The following B4GALNT1 variants were observed in gnomAD, a reference collection of about 807,000 sequenced individuals.
B4GALNT1 encodes beta-1,4 N-acetylgalactosaminyltransferase 1.
Under a neutral mutation model 55.2 loss-of-function variants are expected in B4GALNT1, and 43 were observed. The ratio of observed to expected loss-of-function variants is 0.78; its 90% confidence interval spans 0.61 to 1.00. B4GALNT1 has a LOEUF of 1.00. Ranked by LOEUF, B4GALNT1 falls within the 50% of genes least tolerant of loss-of-function variation. B4GALNT1 has a pLI of 0.00. For synonymous variants in B4GALNT1, 305 were observed against 311.6 expected (o/e 0.98, Z 0.22); for missense variants, 664 against 729.7 (o/e 0.91, Z 1.04).
Position 57,630,290 on chromosome 12 carries a change from C to G in B4GALNT1, c.574G>C (p.Glu192Gln), listed in dbSNP as rs372777958. 6 of 1,614,072 alleles carry G rather than the reference C, an allele frequency of 3.7e-6. No homozygotes were observed. The African/African-American group carries it at 8.0e-5, about 22-fold the overall frequency. ...ASLGTWDVAG[E>Q]VTGVTLTGEG... Reference sequence around the variant, plus strand: ...CCAGTGAGAGTAACTCCAGTCACTTCCCCTGCCACGTCCCAGGTGCCTAGG... The same window carrying G: ...CCAGTGAGAGTAACTCCAGTCACTTGCCCTGCCACGTCCCAGGTGCCTAGG... The change falls in exon 6 of 11, where the codon GAA (glutamate) becomes CAA (glutamine). Residue 192 changes from glutamate (E) to glutamine (Q), a missense_variant. Glu to Gln is a conservative substitution (Grantham distance 29). Coordinates refer to ENST00000341156, the MANE Select transcript of B4GALNT1 (RefSeq NM_001478.5).
chr12:57,630,573 T>C, intron 4 of B4GALNT1, 55 bp from the exon 5 acceptor site: 2 of 1,535,406 alleles, frequency 1.3e-6, no homozygotes, highest in South Asian at 2.5e-5. Flanking sequence ...GAATTCTTTC[T>C]CATTTTCTCT....
intron 9 of B4GALNT1, 39 bp downstream of exon 9, chr12:57,628,083 G>C (rs1355825587): frequency 6.2e-7 from 1 of 1,610,096 alleles, no homozygotes; most frequent in Non-Finnish European, 8.5e-7. Context: ...CCTGTTCAAG[G>C]CCCTTCTCCA....
chr12:57,632,487 A>C, intron 1 of B4GALNT1: 2 of 356,136 alleles, frequency 5.6e-6, no homozygotes, highest in African/African-American at 2.2e-5. Flanking sequence ...GCAGTCCCCA[A>C]GCCCGCCGCC....
chr12:57,630,012 GT>G, intron 6 of B4GALNT1, 139 bp downstream of exon 6: 1 of 1,557,858 alleles, frequency 6.4e-7, no homozygotes, highest in Non-Finnish European at 8.7e-7. Flanking sequence ...TGCTGGTCCA[GT>G]TGAAGCACCC....
Position 57,631,047 on chromosome 12 carries a change from G to T in B4GALNT1, c.423C>A (p.Ala141=). Residue 141 remains alanine, a synonymous_variant, in exon 4 of 11, where the codon GCC becomes GCA. Transcript: ENST00000341156. ...SPADQLLIAP[A]NSPLQYPLQG... ...GTAGGGGGTACTGGAGCGGGGAGTTGGCAGGGGCTATGAGCAGCTGGTCAG... is the reference window on the plus strand; with the variant it reads ...GTAGGGGGTACTGGAGCGGGGAGTTTGCAGGGGCTATGAGCAGCTGGTCAG... 10 of 1,613,060 alleles carry T rather than the reference G, an allele frequency of 6.2e-6. No individual in the cohort carries two copies. Among genetic ancestry groups the T allele is most frequent in the Non-Finnish European group, 8.5e-6 (10 of 1,179,658 alleles).
chr12:57,630,494 C>T lies in B4GALNT1; in HGVS notation c.515G>A (p.Gly172Asp), dbSNP rs1218570572. ...VPGLSLQAAS[G>D]QEVYQVNLTA... ...TTCTCTCACCTGGTATACCTCCTGA[C>T]CAGAAGCTGCCTGAAGGCTCAGCCC... is the stretch of plus-strand genomic sequence containing the variant. The change falls in exon 5 of 11, where the codon GGT becomes GAT. Residue 172 changes from glycine (G) to aspartate (D), a missense_variant. Coordinates refer to ENST00000341156, the MANE Select transcript of B4GALNT1 (RefSeq NM_001478.5). 2 of 1,609,474 alleles carry T rather than the reference C, an allele frequency of 1.2e-6. No individual in the cohort carries two copies. The highest frequency in any genetic ancestry group is 1.1e-5 in the South Asian group (1 of 90,272).
chr12:57,631,798 T>TC, intron 2 of B4GALNT1, 117 bp downstream of exon 2: 1 of 1,085,920 alleles, frequency 9.2e-7, no homozygotes, highest in Non-Finnish European at 1.2e-6. Context: ...ACCTCCCACT[T>TC]CACTCCACAC....
rs1884811700 is a variant in B4GALNT1, at chr12:57,626,435, T to C, written c.*309A>G. 7.2e-6 allele frequency: 3 copies of C among 414,988 alleles called. No homozygotes were observed. Among genetic ancestry groups the C allele is most frequent in the Non-Finnish European group, 1.3e-5 (3 of 224,364 alleles). 25.7% of individuals were successfully genotyped at this position (414,988 alleles called of 1,614,324 possible). A position where few individuals can be genotyped will look rare whatever the true frequency, so the allele number is the denominator to read the frequency against. ...GTGTTTCCACCTTAGGTTCTTAGAG[T>C]CCCTCTGGGCTCTTTGGCACTTGGA... On this transcript the variant is annotated 3_prime_UTR_variant, in exon 11 of 11. Transcript: ENST00000341156.
At chr12:57,627,412 A>AT (rs1491518735) in intron 10 of B4GALNT1, among the ~76,000 whole-genome samples, 14 of 55,036 alleles carry the variant, frequency 2.5e-4, no homozygotes, top group Non-Finnish European at 3.8e-4. Context: ...ATATATTTAT[A>AT]AAAAAAAAAA....
In B4GALNT1 at chr12:57,628,852, C is replaced by T. The variant is rs376291531; in HGVS notation, c.863G>A (p.Arg288His). 5.0e-6 allele frequency: 8 copies of T among 1,614,026 alleles called. No individual in the cohort carries two copies. The highest frequency in any genetic ancestry group is 2.7e-5 in the African/African-American group (2 of 74,904). ...GATGAGAGCCCGTAGCCGATCATAACGGAGGAAGGTCTTGGTGGCAATCGT... is the reference window on the plus strand; with the variant it reads ...GATGAGAGCCCGTAGCCGATCATAATGGAGGAAGGTCTTGGTGGCAATCGT... Reference protein sequence around the residue: ...LVTIATKTFLRYDRLRALITS... With the variant: ...LVTIATKTFLHYDRLRALITS... Residue 288 changes from arginine to histidine, a missense_variant, in exon 8 of 11, where the codon CGT (arginine) becomes CAT (histidine). By Grantham distance (29) the Arg-to-His change is conservative (BLOSUM62 0). Coordinates refer to ENST00000341156, the MANE Select transcript of B4GALNT1 (RefSeq NM_001478.5).
intron 8 of B4GALNT1, 47 bp from the exon 9 acceptor site, chr12:57,628,309 T>C: frequency 1.2e-6 from 2 of 1,608,318 alleles, no homozygotes; most frequent in Middle Eastern, 1.7e-4. Context: ...AAATAGGACA[T>C]GGCCCTCTGC....
At position 57,624,791 on chromosome 12, in the gene B4GALNT1, A is replaced by C. The variant is rs1450148137; in HGVS notation, c.*1953T>G. On this transcript the variant is annotated 3_prime_UTR_variant, in exon 11 of 11. Transcript: ENST00000341156. ...CTACAGACCACTCAGAGGAAGCCCC[A>C]GGGTGGGTGGGCTGCAGCCAAAGAA... The C allele has an allele frequency of 4.3e-6, 6 of 1,380,284 alleles. No homozygotes were observed. The highest frequency in any genetic ancestry group is 6.2e-6 in the Non-Finnish European group (6 of 967,282). The allele number at this position is 1,380,284 out of a possible 1,614,324, so 85.5% of individuals were successfully genotyped here.
Position 57,623,546 on chromosome 12 carries a change from T to G in B4GALNT1, c.*3198A>C. 1 of 497,082 alleles carries G rather than the reference T, an allele frequency of 2.0e-6. No homozygotes were observed. The allele number at this position is 497,082 out of a possible 1,614,324, so 30.8% of individuals were successfully genotyped here. ...GTGCCCTAAACACATATACCCTGCT[T>G]ATAGGGTAACCCAACAGTGGCTTTT... On this transcript the variant is annotated 3_prime_UTR_variant, in exon 11 of 11. Transcript: ENST00000341156.
In B4GALNT1 at chr12:57,625,790, AG is replaced by A; in HGVS notation, c.*953del. ...AGACCCAGGGAGAGGGGTTTGGGAAAGGGTCTGAGGAAGATCAAGAAGAAAA... is the reference window on the plus strand; with the variant it reads ...AGACCCAGGGAGAGGGGTTTGGGAAAGGTCTGAGGAAGATCAAGAAGAAAA... On this transcript the variant is annotated 3_prime_UTR_variant, in exon 11 of 11. Coordinates refer to ENST00000341156, the MANE Select transcript of B4GALNT1 (RefSeq NM_001478.5). 1 of 1,502,020 alleles carries A rather than the reference AG, an allele frequency of 6.7e-7. No individual in the cohort carries two copies. Among genetic ancestry groups the A allele is most frequent in the Non-Finnish European group, 8.9e-7 (1 of 1,129,100 alleles). The allele number at this position is 1,502,020 out of a possible 1,614,324, so 93.0% of individuals were successfully genotyped here. A position where few individuals can be genotyped will look rare whatever the true frequency, so the allele number is the denominator to read the frequency against.
chr12:57,627,721 T>G lies in B4GALNT1; in HGVS notation c.1281A>C (p.Pro427=). The G allele has an allele frequency of 5.6e-6, 9 of 1,611,840 alleles. No individual in the cohort carries two copies. The highest frequency in any genetic ancestry group is 7.6e-6 in the Non-Finnish European group (9 of 1,178,940). ...CCACGCCGTCGGTGACCACGCAGCC[T>G]GGGAAGCCGACGAGCTCGTGGTGGA... is the stretch of plus-strand genomic sequence containing the variant. ...RGFHHELVGF[P]GCVVTDGVVN... The change falls in exon 10 of 11, where the codon CCA becomes CCC. Residue 427 remains proline (P), a synonymous_variant. Coordinates refer to ENST00000341156, the MANE Select transcript of B4GALNT1 (RefSeq NM_001478.5).
chr12:57,628,618 G>C, intron 8 of B4GALNT1, 95 bp downstream of exon 8: 2 of 1,421,340 alleles, frequency 1.4e-6, no homozygotes, highest in Non-Finnish European at 1.9e-6. Context: ...TTCTGAGGCA[G>C]GTGGTCCTCG....
chr12:57,627,574 C>A (rs747602026), intron 10 of B4GALNT1, 44 bp downstream of exon 10: 3 of 1,535,286 alleles, frequency 2.0e-6, no homozygotes, highest in South Asian at 2.5e-5. Context: ...GCCAGCTCCC[C>A]GTGGGGCTCC....
Position 57,632,074 on chromosome 12 carries a change from A to G in B4GALNT1, c.59T>C (p.Leu20Pro). ...CCGGGTGCTCGCGTACAGGAGCCCC[A>G]GCGAGGCGCAGGCGAGCAGAAGGAC... ...ALVLLLACASLGLLYASTRDA... is the reference protein window; with the variant it reads ...ALVLLLACASPGLLYASTRDA... The change falls in exon 2 of 11, where the codon CTG (leucine) becomes CCG (proline). Residue 20 changes from leucine (L) to proline (P), a missense_variant. Physicochemically the swap from Leu to Pro is moderately conservative, Grantham distance 98. Transcript: ENST00000341156. 1 of 1,442,244 alleles carries G rather than the reference A, an allele frequency of 6.9e-7. No homozygotes were observed. Among genetic ancestry groups the G allele is most frequent in the Non-Finnish European group, 9.1e-7 (1 of 1,095,362 alleles). The allele number at this position is 1,442,244 out of a possible 1,614,324, so 89.3% of individuals were successfully genotyped here.
Position 57,628,781 on chromosome 12 carries a change from C to A in B4GALNT1, c.934G>T (p.Asp312Tyr). 1.2e-6 allele frequency: 2 copies of A among 1,614,242 alleles called. No individual in the cohort carries two copies. Among genetic ancestry groups the A allele is most frequent in the East Asian group, 4.5e-5 (2 of 44,890 alleles). ...FYPTVTVVIADDSDKPERVSG... is the reference protein window; with the variant it reads ...FYPTVTVVIAYDSDKPERVSG... ...ACGCGCTCTGGCTTGTCGCTGTCGT[C>A]AGCGATGACCACGGTAACCGTTGGG... Residue 312 changes from aspartate to tyrosine, a missense_variant, in exon 8 of 11, where the codon GAC becomes TAC. By Grantham distance (160) the Asp-to-Tyr change is radical. Transcript: ENST00000341156.
Sources: gnomAD v4.1 joint callset for allele counts (sites outside exome capture counted in the v4.1 genomes callset) on GRCh38, gnomAD v4.1.1 for gene constraint, MANE v1.5 for transcripts, NCBI Gene and HGNC (gene_info 2026-07-23, HGNC 2026-07-21) for gene names.